ZFAT: variants seen among roughly 807,000 people sequenced by gnomAD.
ZFAT encodes the protein zinc finger protein ZFAT.
In ZFAT, 64 loss-of-function variants were observed where a neutral mutation model predicts 117.7. The ratio of observed to expected loss-of-function variants is 0.54; its 90% CI spans 0.44 to 0.67. The LOEUF is 0.67. Ranked by LOEUF, ZFAT falls within the 30% of genes least tolerant of loss-of-function variation. ZFAT has a pLI of 0.00. For missense variants in ZFAT, 1,433 were observed against 1,584.5 expected, an observed-to-expected ratio of 0.90 and a Z score of 1.62; for synonymous variants, 679 against 615.0, an observed-to-expected ratio of 1.10 and a Z score of -1.54.
chr8:134,629,685 G>T (rs749169881), intron 3 of ZFAT, among the ~76,000 whole-genome samples: 5 of 152,108 alleles, frequency 3.3e-5, no homozygotes, highest in Non-Finnish European at 5.9e-5. Context: ...ATATAAAGAC[G>T]GTCCTTGCTT....
chr8:134,638,806 G>A (rs899223161), intron 2 of ZFAT, among the ~76,000 whole-genome samples: 5 of 151,966 alleles, frequency 3.3e-5, no homozygotes, highest in Admixed American at 2.0e-4. Context: ...GGAGGGGTGT[G>A]GTCTTCAACG....
At chr8:134,621,678 A>G (rs1322324427) in intron 3 of ZFAT, among the ~76,000 whole-genome samples, 1 of 152,118 alleles carries the variant, frequency 6.6e-6, no homozygotes, top group Non-Finnish European at 1.5e-5. Flanking sequence ...AGGCAATCTC[A>G]ATATAAATAA....
intron 1 of ZFAT, among the ~76,000 whole-genome samples, chr8:134,681,252 G>A (rs1419575897): frequency 6.6e-6 from 1 of 152,002 alleles, no homozygotes; most frequent in Admixed American, 6.6e-5. Context: ...CTGGTGGGGA[G>A]GTTTGGGGTC....
chr8:134,600,968 T>C (rs897409651), intron 6 of ZFAT, among the ~76,000 whole-genome samples: 1 of 152,034 alleles, frequency 6.6e-6, no homozygotes, highest in Non-Finnish European at 1.5e-5. Flanking sequence ...AATCTACAAA[T>C]CTCTAAGTTC....
chr8:134,563,155 A>T (rs1423248217), intron 11 of ZFAT, among the ~76,000 whole-genome samples: 2 of 152,256 alleles, frequency 1.3e-5, no homozygotes, highest in East Asian at 3.8e-4. Context: ...AATATGCATA[A>T]CGCTAAAGAC....
At chr8:134,559,680 T>C (rs1284032826) in intron 11 of ZFAT, among the ~76,000 whole-genome samples, 1 of 152,194 alleles carries the variant, frequency 6.6e-6, no homozygotes. Flanking sequence ...CATGGCCTCA[T>C]CAATGGAGCA....
At chr8:134,684,621 C>T (rs1210840429) in intron 1 of ZFAT, among the ~76,000 whole-genome samples, 1 of 152,218 alleles carries the variant, frequency 6.6e-6, no homozygotes, top group East Asian at 1.9e-4. Flanking sequence ...ATATGTCTTA[C>T]ACTTCTCCCT....
chr8:134,785,430 T>A, the ZFAT span: 1 of 152,106 alleles, frequency 6.6e-6, no homozygotes, highest in Non-Finnish European at 1.5e-5. Flanking sequence ...ATCCAACAAC[T>A]CCTTCCTTAC....
At chr8:134,705,261 C>T (rs1456636582) in intron 1 of ZFAT, among the ~76,000 whole-genome samples, 1 of 152,032 alleles carries the variant, frequency 6.6e-6, no homozygotes, top group Non-Finnish European at 1.5e-5. Flanking sequence ...AGTGCAATGG[C>T]ATGTTCACAG....
At chr8:134,531,031 TG>T (rs1821368792) in intron 12 of ZFAT, among the ~76,000 whole-genome samples, 1 of 152,192 alleles carries the variant, frequency 6.6e-6, no homozygotes, top group Non-Finnish European at 1.5e-5. Flanking sequence ...TGTGTGTCTG[TG>T]TGTGTATCTC....
chr8:134,612,610 T>G (rs1413692735), intron 3 of ZFAT, among the ~76,000 whole-genome samples: 1 of 152,254 alleles, frequency 6.6e-6, no homozygotes, highest in African/African-American at 2.4e-5. Context: ...ACAATCCAGG[T>G]GCTTGGACCA....
At chr8:134,535,422 A>G (rs575677199) in intron 11 of ZFAT, among the ~76,000 whole-genome samples, 2 of 151,160 alleles carry the variant, frequency 1.3e-5, no homozygotes, top group East Asian at 2.0e-4. Flanking sequence ...TTACTATTCA[A>G]CTGATCACAG....
intron 3 of ZFAT, among the ~76,000 whole-genome samples, chr8:134,632,938 A>G (rs1829982597): frequency 1.3e-5 from 2 of 152,248 alleles, no homozygotes; most frequent in South Asian, 4.1e-4. Context: ...AACTGTTCAC[A>G]AAAGAGACTG....
intron 15 of ZFAT, among the ~76,000 whole-genome samples, chr8:134,482,793 C>A (rs963954892): frequency 6.6e-6 from 1 of 152,194 alleles, no homozygotes; most frequent in Non-Finnish European, 1.5e-5. Context: ...CCAAGTCCTG[C>A]GAAGAGCAGG....
At chr8:134,745,087 AT>A in the ZFAT span, among the ~76,000 whole-genome samples, 2 of 152,088 alleles carry the variant, frequency 1.3e-5, no homozygotes, top group Non-Finnish European at 2.9e-5. Flanking sequence ...TCTCCTTTTG[AT>A]TAACCCTATG....
intron 11 of ZFAT, among the ~76,000 whole-genome samples, chr8:134,554,089 G>A (rs7823606): frequency 0.015 from 2,319 of 152,230 alleles, 62 homozygotes; most frequent in African/African-American, 0.052. Context: ...CTCTCTCCTC[G>A]TGACTCTGCA....
intron 1 of ZFAT, among the ~76,000 whole-genome samples, chr8:134,690,385 G>A (rs1222552440): frequency 2.6e-5 from 4 of 152,206 alleles, no homozygotes; most frequent in African/African-American, 9.6e-5. Flanking sequence ...AGGTTTAAAA[G>A]CTGACTGTGT....
chr8:134,534,477 C>A (rs1821669717), intron 11 of ZFAT, among the ~76,000 whole-genome samples: 1 of 152,164 alleles, frequency 6.6e-6, no homozygotes, highest in Admixed American at 6.5e-5. Flanking sequence ...AAGCTTAGAT[C>A]AGCTCCTCTT....
At chr8:134,773,984 ATTTTT>A in the ZFAT span, among the ~76,000 whole-genome samples, 5,414 of 103,168 alleles carry the variant, frequency 0.052, 363 homozygotes, top group South Asian at 0.076. Flanking sequence ...TTGAGGATTA[ATTTTT>A]TTTTTTTTTT....
Sources: gnomAD v4.1 joint callset for allele counts (sites outside exome capture counted in the v4.1 genomes callset) on GRCh38, gnomAD v4.1.1 for gene constraint, MANE v1.5 for transcripts, NCBI Gene and HGNC (gene_info 2026-07-23, HGNC 2026-07-21) for gene names.